The following KCNH3 variants were observed in gnomAD, a reference collection of about 807,000 sequenced individuals.
The protein encoded by KCNH3 is voltage-gated inwardly rectifying potassium channel KCNH3.
Under a neutral mutation model 95.6 loss-of-function variants are expected in KCNH3, and 36 were observed. The observed-to-expected ratio is 0.38, with a 90% CI of 0.29 to 0.50. The LOEUF (loss-of-function observed/expected upper bound fraction) is 0.50. Ranked by LOEUF, KCNH3 falls within the 20% of genes least tolerant of loss-of-function variation. The pLI is 0.95. For synonymous variants in KCNH3, 620 were observed against 646.3 expected, an observed-to-expected ratio of 0.96 and a Z score of 0.62; for missense variants, 1,030 against 1,484.1, an observed-to-expected ratio of 0.69 and a Z score of 5.03.
Position 49,539,555 on chromosome 12 carries a change from C to A in KCNH3, c.76+63C>A. ...GGACCCTCGCCAGGGCTCCCGCCTT[C>A]CCCGAACCCCCAGCAGCCCAGCTTG... On this transcript the variant is annotated intron_variant, in intron 1 of 14. Coordinates refer to ENST00000257981, the MANE Select transcript of KCNH3 (RefSeq NM_012284.3). The surrounding 1 kb of genome is among the most constrained non-coding windows in gnomAD (Gnocchi z 6.7). 1 of 1,424,746 alleles carries A rather than the reference C, an allele frequency of 7.0e-7. No homozygotes were observed. Among genetic ancestry groups the A allele is most frequent in the Non-Finnish European group, 9.6e-7 (1 of 1,038,504 alleles). The allele number at this position is 1,424,746 out of a possible 1,614,324, so 88.3% of individuals were successfully genotyped here.
Position 49,544,155 on chromosome 12 carries a change from C to G in KCNH3, c.982-20C>G, listed in dbSNP as rs1937973904. On this transcript the variant is annotated intron_variant, in intron 6 of 14. Transcript: ENST00000257981. ...GCCCGCTGACCTCCCTCCCTCCCTC[C>G]CTCCCTCCCCGCATCTCAGTACTTC... The G allele has an allele frequency of 6.3e-7, 1 of 1,581,180 alleles. No individual in the cohort carries two copies. The highest frequency in any genetic ancestry group is 8.6e-7 in the Non-Finnish European group (1 of 1,160,184).
chr12:49,544,015 G>C lies in KCNH3; in HGVS notation c.924G>C (p.Leu308=). The C allele has an allele frequency of 6.2e-7, 1 of 1,613,948 alleles. No individual in the cohort carries two copies. The highest frequency in any genetic ancestry group is 8.5e-7 in the Non-Finnish European group (1 of 1,179,754). ...TCCACTACGTCACCACCTGGTTCCT[G>C]CTGGATGTCATCGCAGCGCTGCCCT... is the stretch of plus-strand genomic sequence containing the variant. ...ICLHYVTTWF[L]LDVIAALPFD... is the part of the protein sequence containing the mutation. The change falls in exon 6 of 15, where the codon CTG becomes CTC. Residue 308 remains leucine (L), a synonymous_variant. Coordinates refer to ENST00000257981, the MANE Select transcript of KCNH3 (RefSeq NM_012284.3).
At chr12:49,557,092 A>C in intron 13 of KCNH3, 91 bp from the exon 14 acceptor site, 1 of 1,227,442 alleles carries the variant, frequency 8.1e-7, no homozygotes, top group Non-Finnish European at 1.2e-6. Context: ...CTACCAGGTC[A>C]ATGTGCTCTA....
intron 11 of KCNH3, among the ~76,000 whole-genome samples, 171 bp from the exon 12 acceptor site, chr12:49,555,446 CAAA>C (rs762389072): frequency 7.6e-5 from 6 of 79,186 alleles, no homozygotes; most frequent in Admixed American, 1.4e-4. Context: ...GACTCTGTCT[CAAA>C]AAAAAAAAAA....
At chr12:49,553,004 T>C (rs1173513834) in intron 10 of KCNH3, among the ~76,000 whole-genome samples, 2 of 152,154 alleles carry the variant, frequency 1.3e-5, no homozygotes, top group Admixed American at 6.5e-5. Context: ...CTGCTGGCAG[T>C]GTGAGGTAGT....
intron 9 of KCNH3, 37 bp from the exon 10 acceptor site, chr12:49,550,043 T>TTGG: frequency 1.5e-6 from 2 of 1,299,530 alleles, no homozygotes; most frequent in Non-Finnish European, 2.1e-6. Flanking sequence ...CTTCTGCCAC[T>TTGG]CCCAACCCCC....
In KCNH3 at chr12:49,554,449, C is replaced by G; in HGVS notation, c.2031C>G (p.Gly677=). 6.2e-7 allele frequency: 1 copy of G among 1,613,382 alleles called. No individual in the cohort carries two copies. The highest frequency in any genetic ancestry group is 1.1e-5 in the South Asian group (1 of 91,092). The change falls in exon 11 of 15, where the codon GGC becomes GGG. Residue 677 remains glycine, a synonymous_variant. Coordinates refer to ENST00000257981, the MANE Select transcript of KCNH3 (RefSeq NM_012284.3). ...TCCTGCAGTGTCTGCAGCTGGCTGG[C>G]CTGCACGACAGCCTTGCGCTGTACC... ...YCVLQCLQLA[G]LHDSLALYPE...
At chr12:49,554,848 C>T (rs1440643964) in intron 11 of KCNH3, among the ~76,000 whole-genome samples, 8 of 152,192 alleles carry the variant, frequency 5.3e-5, no homozygotes, top group African/African-American at 1.9e-4. Context: ...AGGGGTGGCT[C>T]CTGGGGGTCA....
Position 49,541,040 on chromosome 12 carries a change from C to G in KCNH3, c.218C>G (p.Pro73Arg). Residue 73 changes from proline (P) to arginine (R), a missense_variant, in exon 2 of 15, where the codon CCA becomes CGA. Pro to Arg is a moderately radical substitution (Grantham distance 103). This residue lies in a region of KCNH3 where 63 missense variants were observed against 107.7 expected (regional missense o/e 0.59). Coordinates refer to ENST00000257981, the MANE Select transcript of KCNH3 (RefSeq NM_012284.3). ...TGTGCCTGCTCCTTCCTTTATGGGC[C>G]AGACACCAGTGAGCTCGTCCGCCAA... ...RGCACSFLYG[P>R]DTSELVRQQI... The G allele has an allele frequency of 6.2e-7, 1 of 1,613,796 alleles. No individual in the cohort carries two copies. Among genetic ancestry groups the G allele is most frequent in the Non-Finnish European group, 8.5e-7 (1 of 1,180,032 alleles).
At chr12:49,550,928 TG>T (rs1938237015) in intron 10 of KCNH3, among the ~76,000 whole-genome samples, 1 of 152,204 alleles carries the variant, frequency 6.6e-6, no homozygotes. Flanking sequence ...AGGTGTGGAA[TG>T]GACACAATAG....
chr12:49,550,229 C>T lies in KCNH3; in HGVS notation c.1818C>T (p.Gly606=). The T allele has an allele frequency of 6.2e-7, 1 of 1,609,546 alleles. No individual in the cohort carries two copies. The highest frequency in any genetic ancestry group is 8.5e-7 in the Non-Finnish European group (1 of 1,179,970). ...TGCGGCCCGCCTTCTGCACGCCGGGCGAGTACCTCATCCACCAAGGCGATG... is the reference window on the plus strand; with the variant it reads ...TGCGGCCCGCCTTCTGCACGCCGGGTGAGTACCTCATCCACCAAGGCGATG... ...LALRPAFCTP[G]EYLIHQGDAL... Residue 606 remains glycine (G), a synonymous_variant, in exon 10 of 15, where the codon GGC becomes GGT. Transcript: ENST00000257981.
intron 10 of KCNH3, 39 bp downstream of exon 10, chr12:49,550,368 G>T (rs1938219371): frequency 4.5e-6 from 7 of 1,568,032 alleles, no homozygotes; most frequent in African/African-American, 1.3e-5. Context: ...GGGCACGTGT[G>T]TGTGAGACCA....
rs1315638283 is a variant in KCNH3, at chr12:49,549,188, G to A, written c.1468+15G>A. Reference sequence around the variant, plus strand: ...GCTCATCGGCGGTGAGCCCGGCCGCGCGCGTCTTCCCGGGGCCACTCCCAG... The same window carrying A: ...GCTCATCGGCGGTGAGCCCGGCCGCACGCGTCTTCCCGGGGCCACTCCCAG... On this transcript the variant is annotated intron_variant, in intron 8 of 14. Transcript: ENST00000257981. 3 of 1,568,454 alleles carry A rather than the reference G, an allele frequency of 1.9e-6. No homozygotes were observed. Among genetic ancestry groups the A allele is most frequent in the South Asian group, 2.3e-5 (2 of 86,244 alleles).
rs758173591 is a variant in KCNH3, at chr12:49,557,460, G to A, written c.2759G>A (p.Arg920Gln). 11 of 1,610,704 alleles carry A rather than the reference G, an allele frequency of 6.8e-6. No homozygotes were observed. In the South Asian group the frequency reaches 8.8e-5, roughly 13 times the overall value. Residue 920 changes from arginine to glutamine, a missense_variant, in exon 15 of 15, where the codon CGG (arginine) becomes CAG (glutamine). By Grantham distance (43) the Arg-to-Gln change is conservative. Transcript: ENST00000257981. ...LAPHREGPCP[R>Q]ASGEGPCPAS... ...CCCCACAGGGAGGGTCCGTGCCCTCGGGCATCGGGAGAGGGGCCGTGCCCA... is the reference window on the plus strand; with the variant it reads ...CCCCACAGGGAGGGTCCGTGCCCTCAGGCATCGGGAGAGGGGCCGTGCCCA...
In KCNH3 at chr12:49,541,012, G is replaced by A. The variant is rs1199846419; in HGVS notation, c.190G>A (p.Gly64Ser). Residue 64 changes from glycine to serine, a missense_variant, in exon 2 of 15, where the codon GGC becomes AGC. By Grantham distance (56) the Gly-to-Ser change is moderately conservative (BLOSUM62 0). Coordinates refer to ENST00000257981, the MANE Select transcript of KCNH3 (RefSeq NM_012284.3). ...GFSRAEVMQR[G>S]CACSFLYGPD... ...CTCCCGGGCTGAGGTCATGCAGCGG[G>A]GCTGTGCCTGCTCCTTCCTTTATGG... 6.2e-7 allele frequency: 1 copy of A among 1,614,102 alleles called. No individual in the cohort carries two copies. The highest frequency in any genetic ancestry group is 1.1e-5 in the South Asian group (1 of 91,090).
At chr12:49,549,356 G>C in intron 8 of KCNH3, 85 bp from the exon 9 acceptor site, 2 of 1,534,430 alleles carry the variant, frequency 1.3e-6, no homozygotes, top group East Asian at 2.3e-5. Flanking sequence ...GCCTAGGAGC[G>C]TGCGGGCCGA....
At chr12:49,544,658 C>T (rs139298518) in intron 7 of KCNH3, among the ~76,000 whole-genome samples, 1 of 152,194 alleles carries the variant, frequency 6.6e-6, no homozygotes, top group Non-Finnish European at 1.5e-5. Flanking sequence ...ACCCCTGCCC[C>T]GTTGGGAAGG....
intron 13 of KCNH3, chr12:49,556,847 G>A (rs12320266): frequency 3.1e-6 from 2 of 635,910 alleles, no homozygotes; most frequent in Non-Finnish European, 5.8e-6. Context: ...TGGGGATCCA[G>A]GGGTGAAAAT....
chr12:49,540,651 G>T (rs1286136433), intron 1 of KCNH3, among the ~76,000 whole-genome samples: 1 of 152,196 alleles, frequency 6.6e-6, no homozygotes, highest in Non-Finnish European at 1.5e-5. Context: ...CACAGTGCCC[G>T]CACAGCGCTT....
Sources: allele counts gnomAD v4.1 joint callset (sites outside exome capture counted in the v4.1 genomes callset), GRCh38; gene constraint gnomAD v4.1.1; regional missense constraint gnomAD v4.1.1; non-coding constraint Gnocchi (gnomAD v3.1); transcripts MANE v1.5; gene names NCBI Gene and HGNC (gene_info 2026-07-23, HGNC 2026-07-21).